The following SLC24A2 variants were observed in gnomAD, a reference collection of about 807,000 sequenced individuals.
SLC24A2 encodes solute carrier family 24 member 2.
SLC24A2 carries 36 observed loss-of-function variants against 62.0 expected under a neutral mutation model. The observed-to-expected ratio is 0.58, with a 90% CI of 0.44 to 0.77. SLC24A2 has a LOEUF of 0.77. Ranked by LOEUF, SLC24A2 falls within the 30% of genes least tolerant of loss-of-function variation. The pLI is 0.00. For synonymous variants in SLC24A2, 358 were observed against 294.0 expected (o/e 1.22, Z -2.23); for missense variants, 846 against 817.9 (o/e 1.03, Z -0.42).
At chr9:20,228,511 G>A in the SLC24A2 span, among the ~76,000 whole-genome samples, 65,446 of 151,498 alleles carry the variant, frequency 0.43, 16,737 homozygotes, top group Non-Finnish European at 0.59. Flanking sequence ...TATGAAGATG[G>A]AAAATGGGGA....
chr9:19,790,227 A>AT (rs1414775362), upstream of SLC24A2, among the ~76,000 whole-genome samples: 6 of 152,220 alleles, frequency 3.9e-5, no homozygotes, highest in African/African-American at 1.4e-4. Flanking sequence ...GCCTGACTGA[A>AT]TTTTTTTATC....
At chr9:19,889,745 G>T in the SLC24A2 span, among the ~76,000 whole-genome samples, 1 of 152,206 alleles carries the variant, frequency 6.6e-6, no homozygotes. Flanking sequence ...CATGGTGGCT[G>T]TCAAAATCCT....
chr9:19,614,475 A>G (rs924605443), intron 4 of SLC24A2, among the ~76,000 whole-genome samples: 1 of 152,308 alleles, frequency 6.6e-6, no homozygotes, highest in Non-Finnish European at 1.5e-5. Flanking sequence ...AGTGGAACCA[A>G]TAAACAATGT....
the SLC24A2 span, among the ~76,000 whole-genome samples, chr9:20,237,302 C>G: frequency 3.9e-5 from 6 of 152,210 alleles, no homozygotes; most frequent in African/African-American, 1.4e-4. Context: ...GGGGCAGACA[C>G]TGTGCTAGGT....
the SLC24A2 span, among the ~76,000 whole-genome samples, chr9:20,105,017 T>C: frequency 6.6e-6 from 1 of 151,442 alleles, no homozygotes; most frequent in Non-Finnish European, 1.5e-5. Context: ...ACCAAGCAAA[T>C]GGAAAACAAA....
chr9:20,237,512 G>A, the SLC24A2 span, among the ~76,000 whole-genome samples: 2 of 152,174 alleles, frequency 1.3e-5, no homozygotes, highest in African/African-American at 4.8e-5. Flanking sequence ...AAAGAAGAAA[G>A]GAAGAAACTT....
the SLC24A2 span, among the ~76,000 whole-genome samples, chr9:20,284,908 T>G: frequency 1.3e-5 from 2 of 152,236 alleles, no homozygotes; most frequent in African/African-American, 4.8e-5. Flanking sequence ...TACAGGGAAT[T>G]TTAAGGACAT....
chr9:19,731,139 T>C (rs910332683), intron 2 of SLC24A2, among the ~76,000 whole-genome samples: 6 of 152,208 alleles, frequency 3.9e-5, no homozygotes, highest in Non-Finnish European at 8.8e-5. Flanking sequence ...ATTGTCTCGA[T>C]ATCAAGCCCC....
the SLC24A2 span, among the ~76,000 whole-genome samples, chr9:20,214,087 A>G: frequency 6.6e-6 from 1 of 152,188 alleles, no homozygotes; most frequent in Non-Finnish European, 1.5e-5. Context: ...ATATACCACA[A>G]TTTATTAATT....
the SLC24A2 span, among the ~76,000 whole-genome samples, chr9:19,846,152 T>C: frequency 1.2e-4 from 18 of 152,296 alleles, no homozygotes; most frequent in African/African-American, 4.1e-4. Flanking sequence ...CTTTGTTAGT[T>C]TTCTGCCTTG....
chr9:19,702,432 G>A (rs1333512327), intron 2 of SLC24A2, among the ~76,000 whole-genome samples: 3 of 152,088 alleles, frequency 2.0e-5, no homozygotes, highest in Non-Finnish European at 2.9e-5. Context: ...AAATGATCTC[G>A]ATACACTTTG....
At chr9:20,040,473 G>A in the SLC24A2 span, among the ~76,000 whole-genome samples, 1 of 152,156 alleles carries the variant, frequency 6.6e-6, no homozygotes, top group Admixed American at 6.5e-5. Flanking sequence ...TGAGCTTACA[G>A]CAAGATACCA....
chr9:20,035,984 A>G, the SLC24A2 span, among the ~76,000 whole-genome samples: 2 of 152,218 alleles, frequency 1.3e-5, no homozygotes, highest in East Asian at 1.9e-4. Flanking sequence ...GGCAAGAGAA[A>G]GAGAGAATGA....
the SLC24A2 span, among the ~76,000 whole-genome samples, chr9:20,080,537 T>C: frequency 1.3e-5 from 2 of 151,952 alleles, no homozygotes; most frequent in African/African-American, 4.8e-5. Context: ...GAAGAAAACC[T>C]AGGCAATACC....
chr9:20,107,425 T>C, the SLC24A2 span, among the ~76,000 whole-genome samples: 8 of 152,138 alleles, frequency 5.3e-5, no homozygotes, highest in African/African-American at 7.2e-5. Flanking sequence ...GGAGGCATCA[T>C]GCTACCTGAC....
At chr9:20,021,703 C>T in the SLC24A2 span, among the ~76,000 whole-genome samples, 2 of 152,144 alleles carry the variant, frequency 1.3e-5, no homozygotes, top group Admixed American at 6.5e-5. Flanking sequence ...CAACTCCCCC[C>T]TGGCCCCCAA....
At chr9:20,078,507 T>C in the SLC24A2 span, among the ~76,000 whole-genome samples, 2 of 152,122 alleles carry the variant, frequency 1.3e-5, no homozygotes, top group Non-Finnish European at 2.9e-5. Flanking sequence ...GTTTATCTTG[T>C]CTCCCTTCCA....
chr9:19,675,516 G>A (rs576426840), intron 2 of SLC24A2, among the ~76,000 whole-genome samples: 12 of 152,188 alleles, frequency 7.9e-5, no homozygotes, highest in African/African-American at 2.6e-4. Context: ...GACTCTTTTC[G>A]GGTGCGGCTT....
chr9:19,860,879 G>A, the SLC24A2 span, among the ~76,000 whole-genome samples: 1 of 152,216 alleles, frequency 6.6e-6, no homozygotes, highest in Admixed American at 6.5e-5. Flanking sequence ...GGAGAGAAGA[G>A]TGGGAAGAAC....
Sources: allele counts gnomAD v4.1 joint callset (sites outside exome capture counted in the v4.1 genomes callset), GRCh38; gene constraint gnomAD v4.1.1; transcripts MANE v1.5; gene names NCBI Gene and HGNC (gene_info 2026-07-23, HGNC 2026-07-21).